The following ENOX1 variants were observed in gnomAD, a reference collection of about 807,000 sequenced individuals.
ENOX1 encodes ecto-NOX disulfide-thiol exchanger 1, also known as candidate growth-related and time keeping constitutive hydroquinone (NADH) oxidase.
ENOX1 carries 42 observed loss-of-function variants against 82.5 expected under a neutral mutation model. That is an observed-to-expected ratio of 0.51 (90% CI 0.40 to 0.66). The LOEUF (loss-of-function observed/expected upper bound fraction) is 0.66, where lower values mean the gene tolerates loss of function less well. Ranked by LOEUF, ENOX1 falls within the 30% of genes least tolerant of loss-of-function variation. ENOX1 has a pLI of 0.00. For synonymous variants in ENOX1, 271 were observed against 282.2 expected, an observed-to-expected ratio of 0.96 and a Z score of 0.40; for missense variants, 608 against 811.6, an observed-to-expected ratio of 0.75 and a Z score of 3.05.
At chr13:43,339,694 A>G (rs764012321) in intron 9 of ENOX1, among the ~76,000 whole-genome samples, 4 of 152,198 alleles carry the variant, frequency 2.6e-5, no homozygotes, top group Non-Finnish European at 4.4e-5. Flanking sequence ...CGGCACTGAC[A>G]CTAAGGAGAT....
At chr13:43,475,794 CAAAAAAA>C (rs10624980) in intron 3 of ENOX1, among the ~76,000 whole-genome samples, 29 of 70,928 alleles carry the variant, frequency 4.1e-4, no homozygotes, top group African/African-American at 1.5e-3. Context: ...CATAACTGAC[CAAAAAAA>C]AAAAAAAAAA....
chr13:43,641,488 A>T (rs1396181884), intron 2 of ENOX1, among the ~76,000 whole-genome samples: 3 of 151,766 alleles, frequency 2.0e-5, no homozygotes, highest in African/African-American at 4.8e-5. Context: ...AATACAACTG[A>T]AATCAGAGAC....
At chr13:43,517,548 A>G (rs555447959) in intron 2 of ENOX1, among the ~76,000 whole-genome samples, 14 of 152,232 alleles carry the variant, frequency 9.2e-5, no homozygotes, top group African/African-American at 3.4e-4. Context: ...CATGTGAAAT[A>G]TGGAGTTCTG....
At chr13:43,288,228 C>A (rs1446855356) in intron 12 of ENOX1, among the ~76,000 whole-genome samples, 1 of 152,094 alleles carries the variant, frequency 6.6e-6, no homozygotes, top group African/African-American at 2.4e-5. Context: ...GTCACTAAAC[C>A]TTTTTAAAGC....
At chr13:43,470,234 G>A (rs1455238633) in intron 3 of ENOX1, among the ~76,000 whole-genome samples, 1 of 90,460 alleles carries the variant, frequency 1.1e-5, no homozygotes, top group Non-Finnish European at 2.4e-5. Context: ...GTATGTGTGT[G>A]TGTGTATATA....
chr13:43,405,074 G>C (rs2053715645), intron 5 of ENOX1, among the ~76,000 whole-genome samples: 1 of 148,828 alleles, frequency 6.7e-6, no homozygotes, highest in African/African-American at 2.6e-5. Flanking sequence ...GTATAAGTAT[G>C]ATTTTCATTT....
At chr13:43,265,290 G>T in intron 14 of ENOX1, 108 bp downstream of exon 14, 1 of 897,746 alleles carries the variant, frequency 1.1e-6, no homozygotes, top group Non-Finnish European at 1.7e-6. Flanking sequence ...TTAAGCTGCT[G>T]ACAGGCAGAG....
At chr13:43,621,293 C>T (rs1421752287) in intron 2 of ENOX1, among the ~76,000 whole-genome samples, 3 of 151,972 alleles carry the variant, frequency 2.0e-5, no homozygotes, top group East Asian at 3.9e-4. Flanking sequence ...TGCCTGTGTA[C>T]TTTGTTTCGT....
At chr13:43,785,149 A>G (rs1952495321) in intron 1 of ENOX1, among the ~76,000 whole-genome samples, 1 of 152,250 alleles carries the variant, frequency 6.6e-6, no homozygotes, top group South Asian at 2.1e-4. Context: ...CCATTACATG[A>G]ATAGACATTA....
At chr13:43,632,204 C>G (rs540603554) in intron 2 of ENOX1, among the ~76,000 whole-genome samples, 2 of 152,128 alleles carry the variant, frequency 1.3e-5, no homozygotes, top group Admixed American at 1.3e-4. Flanking sequence ...ATTTTTCCCA[C>G]TTTTCATTGC....
intron 7 of ENOX1, among the ~76,000 whole-genome samples, chr13:43,356,820 C>G (rs557845947): frequency 6.6e-6 from 1 of 152,026 alleles, no homozygotes; most frequent in East Asian, 1.9e-4. Context: ...GAGGCCTCGC[C>G]GCTGCCTGCC....
chr13:43,775,183 C>T (rs963834666), intron 1 of ENOX1, among the ~76,000 whole-genome samples: 2 of 152,094 alleles, frequency 1.3e-5, no homozygotes, highest in Non-Finnish European at 2.9e-5. Context: ...CTCCCATGAT[C>T]TTTCACCCAG....
At chr13:43,571,258 C>G (rs931581272) in intron 2 of ENOX1, among the ~76,000 whole-genome samples, 1 of 152,288 alleles carries the variant, frequency 6.6e-6, no homozygotes, top group Middle Eastern at 3.4e-3. Context: ...AAGTCACATT[C>G]TCCAATTCGG....
intron 2 of ENOX1, among the ~76,000 whole-genome samples, chr13:43,586,923 A>T (rs1195854954): frequency 6.7e-5 from 7 of 104,562 alleles, no homozygotes; most frequent in Non-Finnish European, 1.3e-4. Flanking sequence ...AAAAAAAAAA[A>T]TTTAGCTGGG....
At chr13:43,742,583 C>G (rs554852301) in intron 1 of ENOX1, among the ~76,000 whole-genome samples, 29 of 152,282 alleles carry the variant, frequency 1.9e-4, no homozygotes. Flanking sequence ...ATGTTAATCT[C>G]TTTCAGAAAC....
At chr13:43,343,568 T>A (rs2049190884) in intron 9 of ENOX1, among the ~76,000 whole-genome samples, 1 of 152,224 alleles carries the variant, frequency 6.6e-6, no homozygotes, top group Admixed American at 6.5e-5. Flanking sequence ...AGATCTCAGT[T>A]TTGCCCTCTC....
chr13:43,337,295 G>A (rs1250842138), intron 9 of ENOX1, among the ~76,000 whole-genome samples: 1 of 152,162 alleles, frequency 6.6e-6, no homozygotes, highest in Non-Finnish European at 1.5e-5. Flanking sequence ...GCACAGTGAG[G>A]TAGAAAAGAG....
At chr13:43,521,097 C>T (rs1338284392) in intron 2 of ENOX1, among the ~76,000 whole-genome samples, 1 of 152,124 alleles carries the variant, frequency 6.6e-6, no homozygotes, top group Non-Finnish European at 1.5e-5. Context: ...CATACTCAAC[C>T]CTACTCTCTT....
intron 9 of ENOX1, among the ~76,000 whole-genome samples, chr13:43,330,889 TAAAC>T (rs2048375283): frequency 1.3e-5 from 2 of 152,224 alleles, no homozygotes; most frequent in African/African-American, 4.8e-5. Flanking sequence ...CTTCCAATTT[TAAAC>T]AAACCCATAA....
Sources: gnomAD v4.1 joint callset for allele counts (sites outside exome capture counted in the v4.1 genomes callset) on GRCh38, gnomAD v4.1.1 for gene constraint, MANE v1.5 for transcripts, NCBI Gene and HGNC (gene_info 2026-07-23, HGNC 2026-07-21) for gene names.